The following POU6F2 variants were observed in gnomAD, a reference collection of about 807,000 sequenced individuals.
The protein encoded by POU6F2 is POU domain, class 6, transcription factor 2.
POU6F2 carries 31 observed loss-of-function variants against 71.3 expected under a neutral mutation model. That is an observed-to-expected ratio of 0.43 (90% CI 0.33 to 0.59). The LOEUF is 0.59. Among genes scored for constraint, POU6F2 ranks in the 20% least tolerant of loss-of-function variants. The probability of loss-of-function intolerance (pLI) is 0.04; values close to 1 mark genes in which losing one functional copy is unlikely to be tolerated. For synonymous variants in POU6F2, 347 were observed against 355.7 expected (o/e 0.98, Z 0.27); for missense variants, 783 against 856.8 (o/e 0.91, Z 1.07).
chr7:39,017,124 G>C (rs1033053774), intron 1 of POU6F2, among the ~76,000 whole-genome samples: 3 of 152,086 alleles, frequency 2.0e-5, no homozygotes, highest in African/African-American at 7.2e-5. Context: ...CAAGAACTGT[G>C]TCCTCTTCCC....
At chr7:39,160,800 GACTCTTA>G (rs1431372715) in intron 2 of POU6F2, among the ~76,000 whole-genome samples, 2 of 152,110 alleles carry the variant, frequency 1.3e-5, no homozygotes, top group Non-Finnish European at 2.9e-5. Context: ...CTAGATTTAG[GACTCTTA>G]AAGGAGTGCC....
intron 9 of POU6F2, among the ~76,000 whole-genome samples, chr7:39,461,040 G>A (rs1156470844): frequency 2.6e-5 from 4 of 152,152 alleles, no homozygotes; most frequent in East Asian, 1.9e-4. Flanking sequence ...TTGTCTGCAC[G>A]TAGGTATTCT....
chr7:39,252,015 T>C (rs1783929549), intron 4 of POU6F2, among the ~76,000 whole-genome samples: 1 of 152,174 alleles, frequency 6.6e-6, no homozygotes, highest in African/African-American at 2.4e-5. Context: ...TCCCTGTGTC[T>C]AAAAATTGTT....
chr7:38,992,718 A>C (rs945574338), intron 1 of POU6F2, among the ~76,000 whole-genome samples: 2 of 152,186 alleles, frequency 1.3e-5, no homozygotes, highest in East Asian at 1.9e-4. Context: ...TGCGGCAAAA[A>C]CAAATCTGAA....
chr7:39,107,698 C>T (rs1419013610), intron 2 of POU6F2, among the ~76,000 whole-genome samples: 3 of 152,068 alleles, frequency 2.0e-5, no homozygotes, highest in African/African-American at 4.8e-5. Context: ...CTACAACACA[C>T]AAGCATAAGT....
chr7:39,002,336 T>TTTG (rs527720585), intron 1 of POU6F2, among the ~76,000 whole-genome samples: 2,539 of 144,610 alleles, frequency 0.018, 67 homozygotes, highest in African/African-American at 0.06. Flanking sequence ...ATTTACAAGT[T>TTTG]TTGTTGTTGT....
At chr7:39,340,614 G>T (rs1785897982) in intron 5 of POU6F2, among the ~76,000 whole-genome samples, 1 of 152,092 alleles carries the variant, frequency 6.6e-6, no homozygotes, top group Non-Finnish European at 1.5e-5. Context: ...CAACCAATAT[G>T]CATCTTTATA....
intron 1 of POU6F2, among the ~76,000 whole-genome samples, chr7:39,043,777 GT>G (rs1196098061): frequency 6.6e-6 from 1 of 151,900 alleles, no homozygotes; most frequent in Non-Finnish European, 1.5e-5. Context: ...CATGGACTTG[GT>G]TTTAGCATAC....
At chr7:39,415,307 G>T (rs929918394) in intron 6 of POU6F2, among the ~76,000 whole-genome samples, 1 of 152,214 alleles carries the variant, frequency 6.6e-6, no homozygotes, top group Non-Finnish European at 1.5e-5. Flanking sequence ...ACAGGCGTGA[G>T]CCACCGCTCC....
At chr7:39,418,741 A>G (rs1454089852) in intron 6 of POU6F2, among the ~76,000 whole-genome samples, 1 of 150,994 alleles carries the variant, frequency 6.6e-6, no homozygotes, top group Non-Finnish European at 1.5e-5. Flanking sequence ...CCAGAGCCAT[A>G]CAGTAAATGA....
chr7:39,245,515 G>T (rs898406207), intron 4 of POU6F2, among the ~76,000 whole-genome samples: 1 of 152,134 alleles, frequency 6.6e-6, no homozygotes, highest in African/African-American at 2.4e-5. Context: ...TTATGACTTG[G>T]TTTTTTATCA....
In POU6F2 at chr7:38,997,399, T is replaced by C. The variant is rs530640059; in HGVS notation, c.105+19341T>C. ...CCTTATCTCTGAACTTCCACAACAA[T>C]TTGTGTTTACTTAAATCTTGTCCAT... On this transcript the variant is annotated intron_variant, in intron 1 of 9. Transcript: ENST00000518318. 8.5e-5 allele frequency among the ~76,000 whole-genome samples: 13 copies of C among 152,302 alleles called. 1 individual carries two copies. The highest frequency in any genetic ancestry group is 6.2e-4 in the South Asian group (3 of 4,820).
intron 4 of POU6F2, among the ~76,000 whole-genome samples, chr7:39,256,645 T>C (rs946170201): frequency 2.0e-5 from 3 of 152,194 alleles, no homozygotes; most frequent in African/African-American, 4.8e-5. Flanking sequence ...GTGGACTCAA[T>C]GTAATCACAA....
intron 9 of POU6F2, among the ~76,000 whole-genome samples, chr7:39,463,042 T>C (rs995108770): frequency 1.3e-5 from 2 of 152,200 alleles, no homozygotes; most frequent in African/African-American, 4.8e-5. Context: ...CACTCTGTAG[T>C]CAGAAGTTTT....
At chr7:39,070,784 C>G (rs557112996) in intron 1 of POU6F2, among the ~76,000 whole-genome samples, 1 of 152,302 alleles carries the variant, frequency 6.6e-6, no homozygotes, top group African/African-American at 2.4e-5. Flanking sequence ...TCCAGGTCAC[C>G]CTATGCCCTG....
chr7:39,054,781 T>TAA (rs35518758), intron 1 of POU6F2, among the ~76,000 whole-genome samples: 9,673 of 140,030 alleles, frequency 0.069, 436 homozygotes, highest in Non-Finnish European at 0.1. Flanking sequence ...TGGAGACACT[T>TAA]AAAAAAAAAA....
chr7:39,227,538 G>A (rs1011881251), intron 4 of POU6F2, among the ~76,000 whole-genome samples: 2 of 148,866 alleles, frequency 1.3e-5, no homozygotes, highest in South Asian at 2.1e-4. Context: ...GAGGTACCTC[G>A]TGACATTGGT....
At chr7:39,269,383 G>A (rs1215682005) in intron 4 of POU6F2, among the ~76,000 whole-genome samples, 1 of 152,160 alleles carries the variant, frequency 6.6e-6, no homozygotes, top group East Asian at 1.9e-4. Flanking sequence ...TCAGGAGAAA[G>A]GCCTTGATTC....
intron 4 of POU6F2, among the ~76,000 whole-genome samples, chr7:39,210,672 G>C (rs1485626220): frequency 6.6e-6 from 1 of 151,994 alleles, no homozygotes; most frequent in Non-Finnish European, 1.5e-5. Context: ...CTTAAAACAT[G>C]GTCCCCAGAC....
Sources: gnomAD v4.1 joint callset for allele counts (sites outside exome capture counted in the v4.1 genomes callset) on GRCh38, gnomAD v4.1.1 for gene constraint, MANE v1.5 for transcripts, NCBI Gene and HGNC (gene_info 2026-07-23, HGNC 2026-07-21) for gene names.